GATAD2A: variants seen among roughly 807,000 people sequenced by gnomAD.
GATAD2A encodes the protein GATA zinc finger domain containing 2A.
GATAD2A carries 12 observed loss-of-function variants against 68.5 expected under a neutral mutation model. The ratio of observed to expected loss-of-function variants is 0.18; its 90% CI spans 0.11 to 0.28. The LOEUF (loss-of-function observed/expected upper bound fraction) is 0.28. Among genes scored for constraint, GATAD2A ranks in the 10% least tolerant of loss-of-function variants. GATAD2A has a pLI of 1.00. For synonymous variants in GATAD2A, 410 were observed against 375.3 expected (o/e 1.09, Z -1.07); for missense variants, 755 against 868.5 (o/e 0.87, Z 1.64).
intron 8 of GATAD2A, among the ~76,000 whole-genome samples, chr19:19,500,162 G>A (rs2060430719): frequency 6.6e-6 from 1 of 152,234 alleles, no homozygotes; most frequent in South Asian, 2.1e-4. Flanking sequence ...CCCTGCTGGA[G>A]GCATCTCCTG....
intron 1 of GATAD2A, among the ~76,000 whole-genome samples, chr19:19,418,090 G>A (rs2051874427): frequency 6.6e-6 from 1 of 152,180 alleles, no homozygotes; most frequent in Admixed American, 6.5e-5. Context: ...CTCAGATTGT[G>A]GATCTTTGGT....
intron 2 of GATAD2A, among the ~76,000 whole-genome samples, chr19:19,487,432 AG>A (rs900467009): frequency 1.5e-5 from 1 of 65,422 alleles, no homozygotes; most frequent in Non-Finnish European, 3.1e-5. Context: ...TCATCTTCAT[AG>A]GGGGGTGGGG....
rs540033538 is a variant in GATAD2A, at chr19:19,393,979, T to C, written c.-7+7841T>C. Among the ~76,000 whole-genome samples the C allele has an allele frequency of 3.2e-3, 482 of 151,692 alleles. 1 individual carries two copies. Among genetic ancestry groups the C allele is most frequent in the Non-Finnish European group, 5.6e-3 (379 of 67,830 alleles). The stretch of plus-strand genomic sequence containing the variant: ...TTGGCTCACTGCAACCTCCACCTCC[T>C]GGGTTCAAGTGATTCTCCTACCTCA... On this transcript the variant is annotated intron_variant, in intron 1 of 11. Coordinates refer to the GATAD2A transcript ENST00000360315.
Position 19,498,448 on chromosome 19 carries a change from C to T in GATAD2A, c.930C>T (p.Thr310=), listed in dbSNP as rs1346520017. The change falls in exon 8 of 12, where the codon ACC becomes ACT. Residue 310 remains threonine (T), a synonymous_variant. Coordinates refer to ENST00000683918, the MANE Select transcript of GATAD2A (RefSeq NM_001384528.1). ...TGAGTTTTTGTCTCCCAAAGCCCACCCCAGCATCACTGAAGGGGACAACAG... is the reference window on the plus strand; with the variant it reads ...TGAGTTTTTGTCTCCCAAAGCCCACTCCAGCATCACTGAAGGGGACAACAG... ...TSLLVNIPQP[T]PASLKGTTAT... The T allele has an allele frequency of 1.2e-6, 2 of 1,600,954 alleles. No homozygotes were observed. The highest frequency in any genetic ancestry group is 1.3e-5 in the African/African-American group (1 of 74,792).
upstream of GATAD2A, among the ~76,000 whole-genome samples, chr19:19,404,481 C>G (rs190208251): frequency 4.6e-4 from 70 of 151,996 alleles, 1 homozygote; most frequent in African/African-American, 1.6e-3. Flanking sequence ...GAGATGGAGA[C>G]CATCCTGGCC....
At chr19:19,449,127 G>A (rs1454864175) in intron 1 of GATAD2A, among the ~76,000 whole-genome samples, 1 of 152,216 alleles carries the variant, frequency 6.6e-6, no homozygotes, top group African/African-American at 2.4e-5. Flanking sequence ...ACACCAGAGA[G>A]GGAGTTTGGG....
intron 1 of GATAD2A, among the ~76,000 whole-genome samples, chr19:19,461,514 C>T (rs73922887): frequency 0.034 from 5,193 of 152,192 alleles, 308 homozygotes; most frequent in African/African-American, 0.12. Flanking sequence ...GCTCTCAGGC[C>T]AGTTGGATGG....
intron 1 of GATAD2A, among the ~76,000 whole-genome samples, chr19:19,450,815 G>A (rs2056303134): frequency 3.3e-5 from 5 of 150,564 alleles, no homozygotes; most frequent in Non-Finnish European, 5.9e-5. Context: ...TTGTCTCCCA[G>A]GCTGGAGTAC....
chr19:19,441,263 A>G (rs1332976951), intron 1 of GATAD2A, among the ~76,000 whole-genome samples: 2 of 152,214 alleles, frequency 1.3e-5, no homozygotes, highest in Non-Finnish European at 2.9e-5. Context: ...TTTTGGTTTC[A>G]GGGTAACAAT....
chr19:19,457,002 C>A, intron 1 of GATAD2A: 1 of 647,340 alleles, frequency 1.5e-6, no homozygotes, highest in Non-Finnish European at 1.9e-6. Flanking sequence ...CTATTAATTA[C>A]AAAGGAGCAA....
chr19:19,454,728 G>GCCCCCCCCCCC (rs60087917), intron 1 of GATAD2A, among the ~76,000 whole-genome samples: 14 of 121,614 alleles, frequency 1.2e-4, no homozygotes, highest in Non-Finnish European at 2.0e-4. Context: ...GAGCCACTGT[G>GCCCCCCCCCCC]CCCCCCCCCA....
intron 8 of GATAD2A, among the ~76,000 whole-genome samples, chr19:19,499,177 G>GC (rs2060353346): frequency 6.6e-6 from 1 of 152,168 alleles, no homozygotes; most frequent in South Asian, 2.1e-4. Context: ...CCCTCTTCAG[G>GC]CAGCGTGGGA....
At chr19:19,400,948 C>T (rs1168059577), upstream of GATAD2A, among the ~76,000 whole-genome samples, 2 of 151,932 alleles carry the variant, frequency 1.3e-5, no homozygotes, top group African/African-American at 2.4e-5. Flanking sequence ...TGAGACCAAC[C>T]TGGCTAACAT....
intron 1 of GATAD2A, among the ~76,000 whole-genome samples, chr19:19,449,280 C>G (rs1374903332): frequency 6.6e-6 from 1 of 152,162 alleles, no homozygotes; most frequent in Non-Finnish European, 1.5e-5. Context: ...CAGCTTTGCT[C>G]TGCACAGGGT....
chr19:19,453,923 A>G (rs903720495), intron 1 of GATAD2A, among the ~76,000 whole-genome samples: 3 of 151,062 alleles, frequency 2.0e-5, no homozygotes, highest in Non-Finnish European at 4.4e-5. Context: ...TGGCCTCCCA[A>G]AGTGTTGGGA....
intron 11 of GATAD2A, 91 bp downstream of exon 11, chr19:19,502,617 G>A: frequency 9.8e-7 from 1 of 1,020,192 alleles, no homozygotes; most frequent in African/African-American, 1.6e-5. Flanking sequence ...TGCAGCGGGT[G>A]AACCCCCAGG....
intron 1 of GATAD2A, among the ~76,000 whole-genome samples, chr19:19,439,317 G>A (rs2054720320): frequency 6.6e-6 from 1 of 152,224 alleles, no homozygotes. Flanking sequence ...AAATGGGTGT[G>A]ACTGTAGAAA....
At chr19:19,456,326 C>T (rs1289276432) in intron 1 of GATAD2A, among the ~76,000 whole-genome samples, 1 of 152,162 alleles carries the variant, frequency 6.6e-6, no homozygotes, top group African/African-American at 2.4e-5. Context: ...TGGGCCACAC[C>T]CTATCCCTTT....
chr19:19,454,003 T>C (rs1479200253), intron 1 of GATAD2A, among the ~76,000 whole-genome samples: 1 of 149,238 alleles, frequency 6.7e-6, no homozygotes, highest in East Asian at 2.0e-4. Context: ...TTTTTGTTTT[T>C]GTTTTGCTTT....
Sources: gnomAD v4.1 joint callset for allele counts (sites outside exome capture counted in the v4.1 genomes callset) on GRCh38, gnomAD v4.1.1 for gene constraint, MANE v1.5 for transcripts, NCBI Gene and HGNC (gene_info 2026-07-23, HGNC 2026-07-21) for gene names.